Variants in NRDE2 observed in about 807,000 individuals in gnomAD.
NRDE2 encodes the protein nuclear exosome regulator NRDE2.
Under a neutral mutation model 124.2 loss-of-function variants are expected in NRDE2, and 76 were observed. The ratio of observed to expected loss-of-function variants is 0.61; its 90% CI spans 0.51 to 0.74. The LOEUF (loss-of-function observed/expected upper bound fraction) is 0.74, where lower values mean the gene tolerates loss of function less well. Ranked by LOEUF, NRDE2 falls within the 30% of genes least tolerant of loss-of-function variation. The pLI is 0.00. For missense variants in NRDE2, 1,314 were observed against 1,417.3 expected (o/e 0.93, Z 1.17); for synonymous variants, 489 against 528.1 (o/e 0.93, Z 1.01).
At chr14:90,301,860 C>A (rs1179068898) in intron 6 of NRDE2, 4 of 455,386 alleles carry the variant, frequency 8.8e-6, no homozygotes, top group Non-Finnish European at 1.8e-5. Context: ...ACTTTTGGTA[C>A]AATTCCAGCT....
intron 4 of NRDE2, among the ~76,000 whole-genome samples, chr14:90,310,970 T>G (rs1461359735): frequency 6.6e-6 from 1 of 152,160 alleles, no homozygotes; most frequent in South Asian, 2.1e-4. Context: ...CCATTGACAG[T>G]AGGTAGATTA....
Position 90,288,773 on chromosome 14 carries a change from C to G in NRDE2, c.2602G>C (p.Ala868Pro), listed in dbSNP as rs1269003870. 2.5e-6 allele frequency: 4 copies of G among 1,614,108 alleles called. No individual in the cohort carries two copies. The Admixed American group carries it at 5.0e-5, about 20-fold the overall frequency. ...PYGPYTGQVL[A>P]VHILKARKAY... ...TTTCGCGCTTTCAAAATGTGAACAGCCAACACCTGTCCAGTGTAGGGCCCA... is the reference window on the plus strand; with the variant it reads ...TTTCGCGCTTTCAAAATGTGAACAGGCAACACCTGTCCAGTGTAGGGCCCA... The change falls in exon 11 of 14, where the codon GCT (alanine) becomes CCT (proline). Residue 868 changes from alanine to proline, a missense_variant. Physicochemically the swap from Ala to Pro is conservative, Grantham distance 27. Coordinates refer to ENST00000354366, the MANE Select transcript of NRDE2 (RefSeq NM_017970.4).
chr14:90,295,644 G>A (rs2139681703), intron 8 of NRDE2, among the ~76,000 whole-genome samples: 1 of 152,330 alleles, frequency 6.6e-6, no homozygotes, highest in East Asian at 1.9e-4. Flanking sequence ...GAGGGCAAGA[G>A]AGAAGAAACA....
At chr14:90,321,999 C>T (rs1885264142) in intron 1 of NRDE2, among the ~76,000 whole-genome samples, 1 of 152,290 alleles carries the variant, frequency 6.6e-6, no homozygotes, top group Non-Finnish European at 1.5e-5. Context: ...GGAGGCCCAG[C>T]TGTGGCCAAG....
chr14:90,316,512 G>C, intron 3 of NRDE2, 66 bp downstream of exon 3: 1 of 1,096,746 alleles, frequency 9.1e-7, no homozygotes, highest in Non-Finnish European at 1.3e-6. Context: ...TCTAATTTGC[G>C]GCAACAATTA....
intron 13 of NRDE2, 66 bp downstream of exon 13, chr14:90,278,996 T>C: frequency 8.7e-7 from 1 of 1,144,518 alleles, no homozygotes; most frequent in Non-Finnish European, 1.3e-6. Flanking sequence ...GGGAAGACAC[T>C]AGCTGGACGG....
chr14:90,283,806 G>T (rs993827957), intron 12 of NRDE2, among the ~76,000 whole-genome samples: 1 of 151,714 alleles, frequency 6.6e-6, no homozygotes, highest in Non-Finnish European at 1.5e-5. Flanking sequence ...CTGCCTCCTG[G>T]GTTCAAGCGA....
chr14:90,330,213 A>AAAAAAAAG (rs1566705524), intron 1 of NRDE2, among the ~76,000 whole-genome samples: 1 of 133,258 alleles, frequency 7.5e-6, no homozygotes, highest in African/African-American at 2.6e-5. Context: ...TCTCAAAAAA[A>AAAAAAAAG]AAAATAAATA....
At chr14:90,320,541 G>A (rs1264918538) in intron 1 of NRDE2, among the ~76,000 whole-genome samples, 2 of 152,198 alleles carry the variant, frequency 1.3e-5, no homozygotes, top group Non-Finnish European at 2.9e-5. Flanking sequence ...AACCATATCA[G>A]TATTTGCATC....
chr14:90,268,423 C>G lies in NRDE2; in HGVS notation c.*9913G>C. 1 of 1,613,576 alleles carries G rather than the reference C, an allele frequency of 6.2e-7. No homozygotes were observed. Reference sequence around the variant, plus strand: ...CCATTGGGACAAAAAGGTAGACTTTCTCATACTTATTTTGCCTTGTTTAGT... The same window carrying G: ...CCATTGGGACAAAAAGGTAGACTTTGTCATACTTATTTTGCCTTGTTTAGT... On this transcript the variant is annotated 3_prime_UTR_variant, in exon 14 of 14. Transcript: ENST00000354366.
chr14:90,310,138 G>C (rs1201814914), intron 4 of NRDE2, among the ~76,000 whole-genome samples: 1 of 152,194 alleles, frequency 6.6e-6, no homozygotes, highest in Admixed American at 6.5e-5. Context: ...CAGAGGCTCA[G>C]ACAGGTCAGG....
Position 90,318,105 on chromosome 14 carries a change from A to C in NRDE2, c.73T>G (p.Trp25Gly), listed in dbSNP as rs778390241. 6.2e-7 allele frequency: 1 copy of C among 1,612,740 alleles called. No individual in the cohort carries two copies. Among genetic ancestry groups the C allele is most frequent in the South Asian group, 1.1e-5 (1 of 90,906 alleles). The change falls in exon 2 of 14, where the codon TGG becomes GGG. Residue 25 changes from tryptophan (W) to glycine (G), a missense_variant. By Grantham distance (184) the Trp-to-Gly change is radical. Transcript: ENST00000354366. ...DGGSSRKELD[W>G]LSNPSFCVGS... is the part of the protein sequence containing the mutation. ...ACACAAAAGCTTGGGTTGCTCAGCC[A>C]GTCTAACTCTGCACAGGCAAAAGGA...
chr14:90,296,416 C>T (rs1884149385), intron 8 of NRDE2, among the ~76,000 whole-genome samples: 1 of 152,156 alleles, frequency 6.6e-6, no homozygotes, highest in African/African-American at 2.4e-5. Context: ...GAAATCTAAA[C>T]AGCTGAGACT....
At position 90,274,809 on chromosome 14, in the gene NRDE2, CACACACACACACACACACACACACACACA is replaced by C. The variant is rs1566678020; in HGVS notation, c.*3498_*3526del. ...AACTACACACACACACACACACACACACACACACACACACACACACACACACACACCCCAATACATATGAATTGATCTGA... is the reference window on the plus strand; with the variant it reads ...AACTACACACACACACACACACACACCCCCAATACATATGAATTGATCTGA... On this transcript the variant is annotated 3_prime_UTR_variant, in exon 14 of 14. Coordinates refer to ENST00000354366, the MANE Select transcript of NRDE2 (RefSeq NM_017970.4). The C allele has an allele frequency of 2.5e-4, 17 of 68,214 alleles. No homozygotes were observed. The highest frequency in any genetic ancestry group is 1.5e-3 in the South Asian group (3 of 1,980). 4.2% of individuals were successfully genotyped at this position (68,214 alleles called of 1,614,324 possible).
chr14:90,285,347 G>A (rs1169083897), intron 12 of NRDE2, among the ~76,000 whole-genome samples: 3 of 145,552 alleles, frequency 2.1e-5, no homozygotes, highest in Admixed American at 7.0e-5. Context: ...TGTCGTTCAG[G>A]CTGGAGTAGA....
chr14:90,294,874 T>C (rs1302890289), intron 8 of NRDE2, among the ~76,000 whole-genome samples: 1 of 152,180 alleles, frequency 6.6e-6, no homozygotes, highest in Non-Finnish European at 1.5e-5. Context: ...ACCTTATGAT[T>C]CCATTTATAT....
At chr14:90,328,583 T>C (rs1206988452) in intron 1 of NRDE2, among the ~76,000 whole-genome samples, 4 of 152,218 alleles carry the variant, frequency 2.6e-5, no homozygotes, top group African/African-American at 9.6e-5. Flanking sequence ...CTGGTCAATC[T>C]TAACATCACT....
chr14:90,269,740 C>A lies in NRDE2; in HGVS notation c.*8596G>T. On this transcript the variant is annotated 3_prime_UTR_variant, in exon 14 of 14. Transcript: ENST00000354366. ...GCATGATATGGTCTGTGCACCTTGG[C>A]CCTTTGAATTCCAGTCTTATGTCTT... 1 of 508,998 alleles carries A rather than the reference C, an allele frequency of 2.0e-6. No individual in the cohort carries two copies. The highest frequency in any genetic ancestry group is 4.2e-5 in the South Asian group (1 of 23,600). 31.5% of individuals were successfully genotyped at this position (508,998 alleles called of 1,614,324 possible). A position where few individuals can be genotyped will look rare whatever the true frequency, so the allele number is the denominator to read the frequency against.
Position 90,289,139 on chromosome 14 carries a change from A to C in NRDE2, c.2236T>G (p.Trp746Gly). Residue 746 changes from tryptophan to glycine, a missense_variant, in exon 11 of 14, where the codon TGG becomes GGG. Transcript: ENST00000354366. ...WLQYEIAKVI[W>G]CLHTKNKKRL... is the part of the protein sequence containing the mutation. ...TTCTTGTTTTTAGTGTGCAGGCACCAAATGACCTACAGGGAAAAAGAGAAG... is the reference window on the plus strand; with the variant it reads ...TTCTTGTTTTTAGTGTGCAGGCACCCAATGACCTACAGGGAAAAAGAGAAG... The C allele has an allele frequency of 6.3e-7, 1 of 1,597,418 alleles. No individual in the cohort carries two copies. Among genetic ancestry groups the C allele is most frequent in the Non-Finnish European group, 8.6e-7 (1 of 1,167,872 alleles).
Sources: gnomAD v4.1 joint callset for allele counts (sites outside exome capture counted in the v4.1 genomes callset) on GRCh38, gnomAD v4.1.1 for gene constraint, MANE v1.5 for transcripts, NCBI Gene and HGNC (gene_info 2026-07-23, HGNC 2026-07-21) for gene names.